Variants in CNTNAP5 observed in about 807,000 individuals in gnomAD.
CNTNAP5 encodes contactin associated protein family member 5, also known as contactin-associated protein-like 5.
CNTNAP5 carries 72 observed loss-of-function variants against 150.2 expected under a neutral mutation model. The observed-to-expected ratio is 0.48, with a 90% CI of 0.40 to 0.58. The LOEUF is 0.58. Among genes scored for constraint, CNTNAP5 ranks in the 20% least tolerant of loss-of-function variants. The pLI, the probability that CNTNAP5 is intolerant of heterozygous loss-of-function variation, is 0.00. For synonymous variants in CNTNAP5, 672 were observed against 619.8 expected, an observed-to-expected ratio of 1.08 and a Z score of -1.25; for missense variants, 1,636 against 1,626.2, an observed-to-expected ratio of 1.01 and a Z score of -0.10.
In CNTNAP5 at chr2:124,362,397, C is replaced by T. The variant is rs368590030; in HGVS notation, c.382-55046C>T. 3.4e-4 allele frequency among the ~76,000 whole-genome samples: 52 copies of T among 152,312 alleles called. 1 individual carries two copies. Among genetic ancestry groups the T allele is most frequent in the African/African-American group, 1.2e-3 (49 of 41,552 alleles). ...CCTGAAAGCGATAAAGAGGATATAT[C>T]GACTAAGTATTGTTGACTTTCAGAA... On this transcript the variant is annotated intron_variant, in intron 3 of 23. Transcript: ENST00000682447.
At chr2:124,267,170 T>A (rs1012102460) in intron 3 of CNTNAP5, among the ~76,000 whole-genome samples, 1 of 152,114 alleles carries the variant, frequency 6.6e-6, no homozygotes, top group African/African-American at 2.4e-5. Context: ...TGATGGGGTG[T>A]CCCACTGCCA....
chr2:124,294,297 GA>G (rs542543625), intron 3 of CNTNAP5, among the ~76,000 whole-genome samples: 4 of 149,540 alleles, frequency 2.7e-5, no homozygotes, highest in Non-Finnish European at 5.9e-5. Context: ...AGCAATACAT[GA>G]AAAAAAATAA....
chr2:124,578,901 A>T (rs1696352357), intron 11 of CNTNAP5, among the ~76,000 whole-genome samples: 1 of 152,144 alleles, frequency 6.6e-6, no homozygotes, highest in African/African-American at 2.4e-5. Context: ...TTTGTTTTTC[A>T]ATTTTTTTTT....
At chr2:124,362,166 G>T (rs1332827708) in intron 3 of CNTNAP5, among the ~76,000 whole-genome samples, 1 of 152,214 alleles carries the variant, frequency 6.6e-6, no homozygotes, top group Non-Finnish European at 1.5e-5. Flanking sequence ...CCCTGCTTCG[G>T]CTGGCGCATG....
rs530334551 is a variant in CNTNAP5, at chr2:124,765,814, C to T, written c.2533+1667C>T. On this transcript the variant is annotated intron_variant, in intron 16 of 23. Transcript: ENST00000682447. ...CCACTAAAAATACAAAAATTATCCA[C>T]GTGTGGTGCCAGGTGCCTGTAATCC... Among the ~76,000 whole-genome samples, 6 of 151,818 alleles carry T rather than the reference C, an allele frequency of 4.0e-5. No individual in the cohort carries two copies. In the East Asian group the frequency reaches 9.8e-4, roughly 25 times the overall value.
intron 13 of CNTNAP5, among the ~76,000 whole-genome samples, chr2:124,729,497 TAAG>T (rs1452052866): frequency 6.6e-6 from 1 of 152,114 alleles, no homozygotes; most frequent in Non-Finnish European, 1.5e-5. Flanking sequence ...CAATGAATTA[TAAG>T]AAGTTTATAT....
At chr2:124,661,700 T>C (rs1013016050) in intron 13 of CNTNAP5, among the ~76,000 whole-genome samples, 1 of 152,128 alleles carries the variant, frequency 6.6e-6, no homozygotes, top group Admixed American at 6.6e-5. Context: ...AAATGTGCCA[T>C]ACTTTCATAA....
chr2:124,171,211 C>T (rs1388365164), intron 1 of CNTNAP5, among the ~76,000 whole-genome samples: 1 of 152,166 alleles, frequency 6.6e-6, no homozygotes, highest in Non-Finnish European at 1.5e-5. Context: ...CTGTCCTCTG[C>T]AAATGCTCTT....
rs528429157 is a variant in CNTNAP5 at position 124,892,834 on chromosome 2, A to C, written c.3437-10048A>C. Among the ~76,000 whole-genome samples, 6 of 152,258 alleles carry C rather than the reference A, an allele frequency of 3.9e-5. No individual in the cohort carries two copies. The South Asian group carries it at 1.2e-3, about 32-fold the overall frequency. On this transcript the variant is annotated intron_variant, in intron 21 of 23. Coordinates refer to ENST00000682447, the MANE Select transcript of CNTNAP5 (RefSeq NM_001367498.1). ...ATGCCTCCTATACAGAAATCCCAGA[A>C]ATATGTTTTTTCTTTGCATGAAGGC...
At chr2:124,648,527 GTGTGCT>G (rs978784966) in intron 13 of CNTNAP5, among the ~76,000 whole-genome samples, 40 of 152,132 alleles carry the variant, frequency 2.6e-4, no homozygotes, top group Admixed American at 2.2e-3. Flanking sequence ...TATAAGTAAA[GTGTGCT>G]TCTAGAAAAA....
At chr2:124,338,051 G>A (rs1475000852) in intron 3 of CNTNAP5, among the ~76,000 whole-genome samples, 1 of 151,994 alleles carries the variant, frequency 6.6e-6, no homozygotes, top group Non-Finnish European at 1.5e-5. Context: ...TTCAGCAGTG[G>A]TTTGTAGTTC....
intron 3 of CNTNAP5, among the ~76,000 whole-genome samples, chr2:124,346,475 T>C (rs1322423854): frequency 6.6e-6 from 1 of 152,192 alleles, no homozygotes; most frequent in Non-Finnish European, 1.5e-5. Flanking sequence ...TTAGAACTTC[T>C]AAATGAAATG....
intron 10 of CNTNAP5, among the ~76,000 whole-genome samples, chr2:124,540,274 T>A (rs1430306126): frequency 6.6e-6 from 1 of 152,164 alleles, no homozygotes; most frequent in Non-Finnish European, 1.5e-5. Flanking sequence ...CAGATGTGGT[T>A]CCCAAGTAAC....
chr2:124,619,026 A>G (rs2104994183), intron 12 of CNTNAP5, among the ~76,000 whole-genome samples: 1 of 152,332 alleles, frequency 6.6e-6, no homozygotes, highest in Non-Finnish European at 1.5e-5. Context: ...AACAACCTAG[A>G]AACAAGTAAA....
intron 13 of CNTNAP5, among the ~76,000 whole-genome samples, chr2:124,681,301 CAAAAAAAA>C (rs70996097): frequency 1.1e-4 from 8 of 72,372 alleles, no homozygotes; most frequent in Admixed American, 3.4e-4. Flanking sequence ...GACTCCATCT[CAAAAAAAA>C]AAAAAAAAAA....
intron 13 of CNTNAP5, among the ~76,000 whole-genome samples, chr2:124,678,943 A>T (rs1257252879): frequency 2.6e-5 from 4 of 151,976 alleles, no homozygotes; most frequent in Non-Finnish European, 5.9e-5. Context: ...ATGTTTATGA[A>T]GTAAAGTCAA....
At chr2:124,629,889 G>T (rs1677810449) in intron 12 of CNTNAP5, among the ~76,000 whole-genome samples, 1 of 108,394 alleles carries the variant, frequency 9.2e-6, no homozygotes, top group African/African-American at 3.1e-5. Context: ...ACCACCATTG[G>T]CCCCACAGAA....
At chr2:124,725,977 T>G (rs1680150521) in intron 13 of CNTNAP5, among the ~76,000 whole-genome samples, 1 of 152,028 alleles carries the variant, frequency 6.6e-6, no homozygotes, top group Non-Finnish European at 1.5e-5. Flanking sequence ...TATATATATA[T>G]GATATATGAT....
chr2:124,144,089 T>C (rs1573787808), intron 1 of CNTNAP5, among the ~76,000 whole-genome samples: 2 of 139,366 alleles, frequency 1.4e-5, no homozygotes, highest in African/African-American at 2.7e-5. Context: ...TTACAAGGGA[T>C]GTGAAGGACC....
Sources: allele counts gnomAD v4.1 joint callset (sites outside exome capture counted in the v4.1 genomes callset), GRCh38; gene constraint gnomAD v4.1.1; transcripts MANE v1.5; gene names NCBI Gene and HGNC (gene_info 2026-07-23, HGNC 2026-07-21).